The following ENTPD2 variants were observed in gnomAD, a reference collection of about 807,000 sequenced individuals.
ENTPD2 encodes ectonucleoside triphosphate diphosphohydrolase 2, also known as CD39 antigen-like 1.
A neutral mutation model predicts 46.8 loss-of-function variants in ENTPD2; 48 were observed. The ratio of observed to expected loss-of-function variants is 1.03; its 90% CI spans 0.81 to 1.30. The LOEUF (loss-of-function observed/expected upper bound fraction) is 1.30, where lower values mean the gene tolerates loss of function less well. Among genes scored for constraint, ENTPD2 ranks in the 50% most tolerant of loss-of-function variants. The pLI is 0.00. For synonymous variants in ENTPD2, 316 were observed against 286.1 expected, an observed-to-expected ratio of 1.10 and a Z score of -1.06; for missense variants, 707 against 651.1, an observed-to-expected ratio of 1.09 and a Z score of -0.93.
At chr9:137,049,849 A>G (rs374344954) in intron 7 of ENTPD2, 21 bp downstream of exon 7, 4 of 1,604,240 alleles carry the variant, frequency 2.5e-6, no homozygotes, top group Non-Finnish European at 3.4e-6. Context: ...ACAGCCCTGA[A>G]GGAGTGGGAG....
In ENTPD2 at chr9:137,054,036, G is replaced by C. The variant is rs1832355631; in HGVS notation, c.-39C>G. The C allele has an allele frequency of 8.5e-7, 1 of 1,176,420 alleles. No individual in the cohort carries two copies. Among genetic ancestry groups the C allele is most frequent in the Non-Finnish European group, 1.1e-6 (1 of 945,824 alleles). The allele number at this position is 1,176,420 out of a possible 1,614,324, so 72.9% of individuals were successfully genotyped here. ...CGCGGGAGGACGATGCGTGGACCCG[G>C]AGAGTGCGGGGAGCCGGAGGCGGAG... is the stretch of plus-strand genomic sequence containing the variant. On this transcript the variant is annotated 5_prime_UTR_variant, in exon 1 of 9. Coordinates refer to ENST00000355097, the MANE Select transcript of ENTPD2 (RefSeq NM_203468.3).
In ENTPD2 at chr9:137,051,110, C is replaced by G; in HGVS notation, c.566G>C (p.Trp189Ser). 6.2e-7 allele frequency: 1 copy of G among 1,612,808 alleles called. No individual in the cohort carries two copies. Among genetic ancestry groups the G allele is most frequent in the Non-Finnish European group, 8.5e-7 (1 of 1,179,988 alleles). Residue 189 changes from tryptophan (W) to serine (S), a missense_variant, in exon 5 of 9, where the codon TGG becomes TCG. By Grantham distance (177) the Trp-to-Ser change is radical. Coordinates refer to ENST00000355097, the MANE Select transcript of ENTPD2 (RefSeq NM_203468.3). ...CAGTGTCCCCTTCCGTGGCCGGAAC[C>G]ACCGGCCCACCCAGCCGTACTGTGG... Reference protein sequence around the residue: ...NFIKYGWVGRWFRPRKGTLGA... With the variant: ...NFIKYGWVGRSFRPRKGTLGA...
Position 137,048,428 on chromosome 9 carries a change from C to G in ENTPD2, c.*229G>C. The G allele has an allele frequency of 2.0e-6, 1 of 489,082 alleles. No individual in the cohort carries two copies. The highest frequency in any genetic ancestry group is 3.6e-6 in the Non-Finnish European group (1 of 278,400). 30.3% of individuals were successfully genotyped at this position (489,082 alleles called of 1,614,324 possible). On this transcript the variant is annotated 3_prime_UTR_variant, in exon 9 of 9. Coordinates refer to ENST00000355097, the MANE Select transcript of ENTPD2 (RefSeq NM_203468.3). ...CTGGGCTGCCTTAGGGGCAGAGACG[C>G]TGAGGGTGGGGTGGAAGGATGGAGA... is the stretch of plus-strand genomic sequence containing the variant.
chr9:137,049,688 G>T, intron 7 of ENTPD2, 182 bp downstream of exon 7: 1 of 669,292 alleles, frequency 1.5e-6, no homozygotes, highest in Non-Finnish European at 2.4e-6. Context: ...TCTCCAACCC[G>T]CCCGACTTGT....
Position 137,051,332 on chromosome 9 carries a change from G to C in ENTPD2, c.425C>G (p.Ala142Gly). The C allele has an allele frequency of 6.3e-7, 1 of 1,585,112 alleles. No homozygotes were observed. ...GTACTGGGTCAGTGTGTGAGTCACT[G>C]CCATGAGCACACTGGTCGAGGCCTC... ...NPEASTSVLM[A>G]VTHTLTQYPF... The change falls in exon 4 of 9, where the codon GCA (alanine) becomes GGA (glycine). Residue 142 changes from alanine (A) to glycine (G), a missense_variant. Transcript: ENST00000355097.
rs2131518203 is a variant in ENTPD2 at position 137,054,024 on chromosome 9, T to C, written c.-27A>G. The C allele has an allele frequency of 1.7e-6, 2 of 1,180,412 alleles. No homozygotes were observed. Among genetic ancestry groups the C allele is most frequent in the Non-Finnish European group, 1.0e-6 (1 of 952,542 alleles). 73.1% of individuals were successfully genotyped at this position (1,180,412 alleles called of 1,614,324 possible). ...GGCGGGCGGGCGCGCGGGAGGACGATGCGTGGACCCGGAGAGTGCGGGGAG... is the reference window on the plus strand; with the variant it reads ...GGCGGGCGGGCGCGCGGGAGGACGACGCGTGGACCCGGAGAGTGCGGGGAG... On this transcript the variant is annotated 5_prime_UTR_variant, in exon 1 of 9. Coordinates refer to ENST00000355097, the MANE Select transcript of ENTPD2 (RefSeq NM_203468.3).
intron 7 of ENTPD2, chr9:137,049,368 C>G: frequency 1.6e-6 from 1 of 644,036 alleles, no homozygotes. Flanking sequence ...GGTGTGTGGC[C>G]AGGGGAACAG....
chr9:137,051,066 C>A lies in ENTPD2; in HGVS notation c.610G>T (p.Gly204Cys). 30 of 1,612,852 alleles carry A rather than the reference C, an allele frequency of 1.9e-5. No individual in the cohort carries two copies. The highest frequency in any genetic ancestry group is 2.5e-5 in the Non-Finnish European group (29 of 1,179,986). Residue 204 changes from glycine (G) to cysteine (C), a missense_variant, in exon 5 of 9, where the codon GGT becomes TGT. By Grantham distance (159) the Gly-to-Cys change is radical (BLOSUM62 -3). Coordinates refer to ENST00000355097, the MANE Select transcript of ENTPD2 (RefSeq NM_203468.3). ...KGTLGAMDLGGASTQITFETT... is the reference protein window; with the variant it reads ...KGTLGAMDLGCASTQITFETT... ...TCAAAAGTGATCTGGGTAGAGGCAC[C>A]CCCCAGGTCCATGGCCCCCAGTGTC...
chr9:137,049,971 A>G lies in ENTPD2; in HGVS notation c.1048T>C (p.Tyr350His), dbSNP rs776524132. 6.2e-7 allele frequency: 1 copy of G among 1,612,330 alleles called. No individual in the cohort carries two copies. The highest frequency in any genetic ancestry group is 8.5e-7 in the Non-Finnish European group (1 of 1,179,682). Residue 350 changes from tyrosine (Y) to histidine (H), a missense_variant, in exon 7 of 9, where the codon TAC becomes CAC. By Grantham distance (83) the Tyr-to-His change is moderately conservative. Transcript: ENST00000355097. ...GAAGTCCGCAAAAAGTCCACAGTGT[A>G]GAAGAAGGCAGAGAAGGCCTGTAGG... is the stretch of plus-strand genomic sequence containing the variant. ...GNFVAFSAFF[Y>H]TVDFLRTSMG...
At chr9:137,049,131 A>G (rs868390289) in intron 7 of ENTPD2, 56 bp from the exon 8 acceptor site, 12 of 1,532,070 alleles carry the variant, frequency 7.8e-6, no homozygotes, top group Middle Eastern at 3.3e-4. Context: ...TCTCGGCCCC[A>G]CGGGGAGAGG....
In ENTPD2 at chr9:137,050,975, C is replaced by T. The variant is rs767845036; in HGVS notation, c.701G>A (p.Arg234Gln). 5.1e-6 allele frequency: 8 copies of T among 1,565,892 alleles called. No homozygotes were observed. The highest frequency in any genetic ancestry group is 3.1e-5 in the African/African-American group (2 of 64,244). Reference sequence around the variant, plus strand: ...GCAGAGGAAGCTGTGGGTGTAGACTCGGTAGTGCTGGCCGTAGAGATGCAG... The same window carrying T: ...GCAGAGGAAGCTGTGGGTGTAGACTTGGTAGTGCTGGCCGTAGAGATGCAG... ...VQLHLYGQHY[R>Q]VYTHSFLCYG... Residue 234 changes from arginine (R) to glutamine (Q), a missense_variant, in exon 5 of 9, where the codon CGA becomes CAA. By Grantham distance (43) the Arg-to-Gln change is conservative. Transcript: ENST00000355097.
rs1417345234 is a variant in ENTPD2 at position 137,050,348 on chromosome 9, G to A, written c.965C>T (p.Ser322Phe). The A allele has an allele frequency of 6.2e-7, 1 of 1,612,778 alleles. No homozygotes were observed. Among genetic ancestry groups the A allele is most frequent in the East Asian group, 2.2e-5 (1 of 44,882 alleles). ...DLVSGLFSFS[S>F]CPFSRCSFNG... is the part of the protein sequence containing the mutation. ...GAAAGAGCATCGGGAGAAGGGGCAGGAGGAGAAGCTGAAGAGCCCAGAAAC... is the reference window on the plus strand; with the variant it reads ...GAAAGAGCATCGGGAGAAGGGGCAGAAGGAGAAGCTGAAGAGCCCAGAAAC... Residue 322 changes from serine to phenylalanine, a missense_variant, in exon 6 of 9, where the codon TCC (serine) becomes TTC (phenylalanine). Coordinates refer to ENST00000355097, the MANE Select transcript of ENTPD2 (RefSeq NM_203468.3).
intron 7 of ENTPD2, 175 bp from the exon 8 acceptor site, chr9:137,049,250 C>T (rs1389692833): frequency 2.7e-6 from 3 of 1,100,402 alleles, no homozygotes; most frequent in African/African-American, 3.1e-5. Flanking sequence ...GAGGGGCACC[C>T]CCGGCAGGGC....
chr9:137,053,738 C>G (rs780294521), intron 1 of ENTPD2, 143 bp downstream of exon 1: 86 of 506,816 alleles, frequency 1.7e-4, no homozygotes, highest in Non-Finnish European at 2.2e-4. Flanking sequence ...AGCGCGGAAC[C>G]CGGGACCCCA....
chr9:137,052,452 C>T, intron 1 of ENTPD2, 104 bp from the exon 2 acceptor site: 1 of 871,628 alleles, frequency 1.1e-6, no homozygotes, highest in Non-Finnish European at 1.7e-6. Context: ...GCTCCCCCCC[C>T]CACCCAGTCA....
intron 1 of ENTPD2, chr9:137,052,666 G>A (rs1832324146): frequency 5.2e-6 from 1 of 193,170 alleles, no homozygotes; most frequent in Non-Finnish European, 1.1e-5. Flanking sequence ...GGTCCCCAGG[G>A]ACTTTTCCCT....
In ENTPD2 at chr9:137,051,337, G is replaced by A; in HGVS notation, c.420C>T (p.Leu140=). ...LTNPEASTSV[L]MAVTHTLTQY... ...GGGTCAGTGTGTGAGTCACTGCCAT[G>A]AGCACACTGGTCGAGGCCTCTGGAT... is the stretch of plus-strand genomic sequence containing the variant. Residue 140 remains leucine, a synonymous_variant, in exon 4 of 9, where the codon CTC becomes CTT. Transcript: ENST00000355097. The A allele has an allele frequency of 1.9e-6, 3 of 1,581,424 alleles. No homozygotes were observed. Among genetic ancestry groups the A allele is most frequent in the Non-Finnish European group, 8.6e-7 (1 of 1,161,316 alleles).
In ENTPD2 at chr9:137,051,591, T is replaced by G; in HGVS notation, c.305A>C (p.Gln102Pro). The G allele has an allele frequency of 6.2e-7, 1 of 1,612,778 alleles. No homozygotes were observed. The highest frequency in any genetic ancestry group is 2.2e-5 in the East Asian group (1 of 44,876). The change falls in exon 3 of 9, where the codon CAG becomes CCG. Residue 102 changes from glutamine to proline, a missense_variant. By Grantham distance (76) the Gln-to-Pro change is moderately conservative. Coordinates refer to ENST00000355097, the MANE Select transcript of ENTPD2 (RefSeq NM_203468.3). ...CTCTTTGGGCACATCCTGAAGCGCCTGTTCGAGGCATCCAACAAGACTCTG... is the reference window on the plus strand; with the variant it reads ...CTCTTTGGGCACATCCTGAAGCGCCGGTTCGAGGCATCCAACAAGACTCTG... Reference protein sequence around the residue: ...ASQSLVGCLEQALQDVPKERH... With the variant: ...ASQSLVGCLEPALQDVPKERH...
chr9:137,053,776 G>A, intron 1 of ENTPD2, 105 bp downstream of exon 1: 1 of 725,746 alleles, frequency 1.4e-6, no homozygotes, highest in Non-Finnish European at 1.9e-6. Flanking sequence ...AGAGCACGGT[G>A]GGGGTCCCGG....
Sources: gnomAD v4.1 joint callset for allele counts on GRCh38, gnomAD v4.1.1 for gene constraint, MANE v1.5 for transcripts, NCBI Gene and HGNC (gene_info 2026-07-23, HGNC 2026-07-21) for gene names.